FCHSD2: variants seen among roughly 807,000 people sequenced by gnomAD.
The protein encoded by FCHSD2 is F-BAR and double SH3 domains protein 2.
FCHSD2 carries 38 observed loss-of-function variants against 108.1 expected under a neutral mutation model. The observed-to-expected ratio is 0.35, with a 90% CI of 0.27 to 0.46. The LOEUF is 0.46. Ranked by LOEUF, FCHSD2 falls within the 20% of genes least tolerant of loss-of-function variation. The pLI, the probability that FCHSD2 is intolerant of heterozygous loss-of-function variation, is 1.00. For missense variants in FCHSD2, 751 were observed against 897.8 expected (o/e 0.84, Z 2.09); for synonymous variants, 279 against 314.7 (o/e 0.89, Z 1.20).
At chr11:73,006,394 C>G (rs914490990) in intron 4 of FCHSD2, among the ~76,000 whole-genome samples, 3 of 152,224 alleles carry the variant, frequency 2.0e-5, no homozygotes, top group African/African-American at 7.2e-5. Context: ...CTCAAACCTT[C>G]TAGTAGTTGG....
Position 73,083,715 on chromosome 11 carries a change from T to A in FCHSD2, c.145A>T (p.Ile49Phe). The A allele has an allele frequency of 6.5e-7, 1 of 1,546,292 alleles. No individual in the cohort carries two copies. The highest frequency in any genetic ancestry group is 2.4e-5 in the East Asian group (1 of 41,080). ...CTTACCTGTGCATACTCTCTTTCAA[T>A]AGCAGCCTTCTTCTGACTGAATGTC... ...MRTFSQKKAA[I>F]EREYAQGMQK... The change falls in exon 3 of 20, where the codon ATT becomes TTT. Residue 49 changes from isoleucine (I) to phenylalanine (F), a missense_variant. By Grantham distance (21) the Ile-to-Phe change is conservative. Coordinates refer to ENST00000409418, the MANE Select transcript of FCHSD2 (RefSeq NM_014824.3).
chr11:73,097,076 C>G (rs1190795908), intron 2 of FCHSD2, among the ~76,000 whole-genome samples: 1 of 133,506 alleles, frequency 7.5e-6, no homozygotes, highest in Non-Finnish European at 1.5e-5. Flanking sequence ...AATCTCAGCT[C>G]ACTGCAGCCT....
intron 9 of FCHSD2, among the ~76,000 whole-genome samples, chr11:72,906,095 C>T (rs1362632907): frequency 6.6e-6 from 1 of 152,224 alleles, no homozygotes; most frequent in African/African-American, 2.4e-5. Flanking sequence ...TCCTCTCCAG[C>T]ATCTGTTGTT....
Position 72,838,537 on chromosome 11 carries a change from C to T in FCHSD2, c.*254G>A. Reference sequence around the variant, plus strand: ...CCACTGTTAGGCATGAGGGCTGCCCCCCTCTTTGCTCCTAGGGTCCGCTAG... The same window carrying T: ...CCACTGTTAGGCATGAGGGCTGCCCTCCTCTTTGCTCCTAGGGTCCGCTAG... On this transcript the variant is annotated 3_prime_UTR_variant, in exon 20 of 20. Transcript: ENST00000409418. 1 of 532,748 alleles carries T rather than the reference C, an allele frequency of 1.9e-6. No individual in the cohort carries two copies. Among genetic ancestry groups the T allele is most frequent in the Non-Finnish European group, 3.4e-6 (1 of 294,538 alleles). 33.0% of individuals were successfully genotyped at this position (532,748 alleles called of 1,614,324 possible).
chr11:73,095,441 C>T (rs1860051495), intron 2 of FCHSD2, among the ~76,000 whole-genome samples: 1 of 152,274 alleles, frequency 6.6e-6, no homozygotes, highest in Non-Finnish European at 1.5e-5. Context: ...TACTTCTCAT[C>T]TTAAATAACA....
intron 13 of FCHSD2, among the ~76,000 whole-genome samples, chr11:72,851,790 G>C (rs1443851361): frequency 1.3e-5 from 2 of 151,608 alleles, no homozygotes; most frequent in African/African-American, 2.4e-5. Context: ...AATAAAGTTC[G>C]TGAAGTATGT....
chr11:72,980,088 CA>C (rs1857183999), intron 8 of FCHSD2, among the ~76,000 whole-genome samples: 1 of 152,140 alleles, frequency 6.6e-6, no homozygotes, highest in African/African-American at 2.4e-5. Context: ...GAAGAGTCTT[CA>C]ACACAGATGA....
chr11:73,081,253 G>A (rs1859677672), intron 3 of FCHSD2, among the ~76,000 whole-genome samples: 1 of 151,976 alleles, frequency 6.6e-6, no homozygotes, highest in African/African-American at 2.4e-5. Context: ...GCCCACTATG[G>A]TGAAACCCCA....
chr11:72,995,099 C>T (rs1857495871), intron 5 of FCHSD2, among the ~76,000 whole-genome samples: 1 of 152,174 alleles, frequency 6.6e-6, no homozygotes, highest in Admixed American at 6.5e-5. Context: ...ATGTTTCTCA[C>T]TTCTTTCACT....
At chr11:72,842,587 A>G in intron 17 of FCHSD2, 34 bp downstream of exon 17, 5 of 1,612,604 alleles carry the variant, frequency 3.1e-6, no homozygotes, top group Middle Eastern at 3.3e-4. Context: ...TTCTTTAAAC[A>G]TCTTTTAATT....
chr11:72,945,253 C>A (rs927038034), intron 8 of FCHSD2, among the ~76,000 whole-genome samples: 3 of 152,286 alleles, frequency 2.0e-5, no homozygotes, highest in African/African-American at 7.2e-5. Context: ...CGCATATCTA[C>A]AACTATCTGA....
At chr11:72,899,735 T>TCAA (rs376398152) in intron 10 of FCHSD2, among the ~76,000 whole-genome samples, 1 of 72,736 alleles carries the variant, frequency 1.4e-5, no homozygotes, top group Non-Finnish European at 2.4e-5. Context: ...GACCCTATCT[T>TCAA]AAAAAAAAAA....
chr11:72,860,655 G>C (rs1861547795), intron 13 of FCHSD2, among the ~76,000 whole-genome samples: 1 of 151,966 alleles, frequency 6.6e-6, no homozygotes, highest in African/African-American at 2.4e-5. Context: ...GACCAGCGTG[G>C]GCAACATAGT....
At chr11:73,096,319 T>A (rs1860074075) in intron 2 of FCHSD2, among the ~76,000 whole-genome samples, 1 of 139,904 alleles carries the variant, frequency 7.1e-6, no homozygotes. Flanking sequence ...GGCAGGTGGA[T>A]CACTTGAGGT....
At chr11:72,979,599 T>C (rs1478894911) in intron 8 of FCHSD2, among the ~76,000 whole-genome samples, 1 of 152,198 alleles carries the variant, frequency 6.6e-6, no homozygotes, top group African/African-American at 2.4e-5. Context: ...TGGACTCCAA[T>C]GTTTCAATGA....
chr11:72,934,654 T>C (rs916045544), intron 8 of FCHSD2, among the ~76,000 whole-genome samples: 2 of 152,302 alleles, frequency 1.3e-5, no homozygotes, highest in South Asian at 2.1e-4. Context: ...TAATCAATGA[T>C]AGAATTCACT....
Position 72,867,945 on chromosome 11 carries a change from T to C in FCHSD2, c.1228A>G (p.Met410Val), listed in dbSNP as rs745363284. ...TCCAGTTCTTCCATTACTTGGTTCA[T>C]GGCACTCTTTAGCCATGTGTCCACA... ...VSVDTWLKSA[M>V]NQVMEELENE... Residue 410 changes from methionine to valine, a missense_variant, in exon 13 of 20, where the codon ATG (methionine) becomes GTG (valine). Met to Val is a conservative substitution (Grantham distance 21). Coordinates refer to ENST00000409418, the MANE Select transcript of FCHSD2 (RefSeq NM_014824.3). 1.3e-5 allele frequency: 21 copies of C among 1,604,096 alleles called. No homozygotes were observed. The highest frequency in any genetic ancestry group is 1.1e-4 in the African/African-American group (8 of 74,884).
intron 8 of FCHSD2, among the ~76,000 whole-genome samples, chr11:72,957,210 A>G: frequency 9.0e-6 from 1 of 111,004 alleles, no homozygotes. Flanking sequence ...CAGTCCCCAG[A>G]GTGTGATATT....
rs987687982 is a variant in FCHSD2 at position 73,042,466 on chromosome 11, T to C, written c.166-26581A>G. On this transcript the variant is annotated intron_variant, in intron 3 of 19. Transcript: ENST00000409418. ...TGCTGTTTTGGTTACAATAGCTTTG[T>C]AGAATATTTTGAAGTCAGGTACTGT... 2.6e-5 allele frequency among the ~76,000 whole-genome samples: 4 copies of C among 152,244 alleles called. No individual in the cohort carries two copies. In the East Asian group the frequency reaches 7.7e-4, roughly 29 times the overall value.
Sources: gnomAD v4.1 joint callset for allele counts (sites outside exome capture counted in the v4.1 genomes callset) on GRCh38, gnomAD v4.1.1 for gene constraint, MANE v1.5 for transcripts, NCBI Gene and HGNC (gene_info 2026-07-23, HGNC 2026-07-21) for gene names.